CSTPP1: variants seen among roughly 807,000 people sequenced by gnomAD.
The protein encoded by CSTPP1 is centriolar satellite-associated tubulin polyglutamylase complex regulator 1.
At chr11:47,157,055 G>GA in the CSTPP1 span, 3 of 1,614,104 alleles carry the variant, frequency 1.9e-6, no homozygotes, top group Non-Finnish European at 2.5e-6. Flanking sequence ...CATCTATGAG[G>GA]ACCTGCTGTC....
chr11:47,137,519 C>A, the CSTPP1 span: 1 of 1,541,012 alleles, frequency 6.5e-7, no homozygotes, highest in South Asian at 1.2e-5. Flanking sequence ...GCATACCCTT[C>A]ACACTGACTT....
chr11:47,148,705 G>A, the CSTPP1 span, among the ~76,000 whole-genome samples: 7 of 152,132 alleles, frequency 4.6e-5, no homozygotes, highest in East Asian at 1.9e-4. Flanking sequence ...TACAGCCGGC[G>A]CTCATTCTGA....
At chr11:47,025,200 A>G in the CSTPP1 span, among the ~76,000 whole-genome samples, 1 of 152,348 alleles carries the variant, frequency 6.6e-6, no homozygotes, top group East Asian at 1.9e-4. Context: ...GAAGGTAAAT[A>G]TACATGACTA....
chr11:46,953,908 A>G, the CSTPP1 span, among the ~76,000 whole-genome samples: 1 of 152,136 alleles, frequency 6.6e-6, no homozygotes, highest in African/African-American at 2.4e-5. Context: ...TTACCTGATG[A>G]CCTCTTCTTT....
the CSTPP1 span, among the ~76,000 whole-genome samples, chr11:47,020,397 CT>C: frequency 6.6e-6 from 1 of 152,026 alleles, no homozygotes; most frequent in Non-Finnish European, 1.5e-5. Context: ...AATCCAAATC[CT>C]CTCTTTAATA....
chr11:47,065,687 T>G, the CSTPP1 span, among the ~76,000 whole-genome samples: 1 of 152,236 alleles, frequency 6.6e-6, no homozygotes, highest in East Asian at 1.9e-4. Flanking sequence ...GGAATTGTTT[T>G]TCTTAGTTTC....
chr11:46,984,573 T>C, the CSTPP1 span, among the ~76,000 whole-genome samples: 2 of 144,352 alleles, frequency 1.4e-5, no homozygotes, highest in South Asian at 4.1e-4. Context: ...GTCTATTTTC[T>C]TGAAAATTCC....
chr11:47,139,502 T>C, the CSTPP1 span, among the ~76,000 whole-genome samples: 5 of 152,056 alleles, frequency 3.3e-5, no homozygotes, highest in African/African-American at 1.2e-4. Flanking sequence ...GGTGAAACCC[T>C]GTCTCTGCTA....
the CSTPP1 span, among the ~76,000 whole-genome samples, chr11:47,043,153 C>T: frequency 6.6e-6 from 1 of 152,162 alleles, no homozygotes; most frequent in Non-Finnish European, 1.5e-5. Context: ...GTTATACACA[C>T]AGTGCAGGAG....
At chr11:46,970,567 G>A in the CSTPP1 span, among the ~76,000 whole-genome samples, 1 of 151,614 alleles carries the variant, frequency 6.6e-6, no homozygotes, top group Non-Finnish European at 1.5e-5. Context: ...TATAACTAAA[G>A]TATAATTATG....
At chr11:47,115,094 GT>G in the CSTPP1 span, among the ~76,000 whole-genome samples, 1 of 152,172 alleles carries the variant, frequency 6.6e-6, no homozygotes, top group Non-Finnish European at 1.5e-5. Context: ...TAATCAAGTG[GT>G]TTTTGTCTTT....
chr11:47,027,077 T>C, the CSTPP1 span, among the ~76,000 whole-genome samples: 1 of 152,198 alleles, frequency 6.6e-6, no homozygotes, highest in Non-Finnish European at 1.5e-5. Context: ...AGTAACCTTT[T>C]CCCAGTGCTC....
chr11:47,005,192 G>T, the CSTPP1 span, among the ~76,000 whole-genome samples: 1 of 152,066 alleles, frequency 6.6e-6, no homozygotes, highest in Admixed American at 6.5e-5. Flanking sequence ...TTAAGATAGT[G>T]GTTTTTTTGT....
At chr11:46,996,163 A>G in the CSTPP1 span, among the ~76,000 whole-genome samples, 4 of 151,998 alleles carry the variant, frequency 2.6e-5, no homozygotes, top group Admixed American at 6.6e-5. Flanking sequence ...TTTTGAGCCT[A>G]TGTGTGTCTC....
the CSTPP1 span, among the ~76,000 whole-genome samples, chr11:47,129,591 C>T: frequency 6.6e-6 from 1 of 152,140 alleles, no homozygotes; most frequent in African/African-American, 2.4e-5. Flanking sequence ...ATGGCCCCAT[C>T]GTGATGAACA....
chr11:47,024,376 CTT>C, the CSTPP1 span, among the ~76,000 whole-genome samples: 4 of 144,704 alleles, frequency 2.8e-5, no homozygotes, highest in Non-Finnish European at 1.5e-5. Flanking sequence ...TTCTCTCTCT[CTT>C]TTTTTTTTTT....
At chr11:47,058,670 C>T in the CSTPP1 span, among the ~76,000 whole-genome samples, 2 of 152,122 alleles carry the variant, frequency 1.3e-5, no homozygotes, top group Non-Finnish European at 2.9e-5. Flanking sequence ...TTCACAACAA[C>T]CCTATGTGTT....
the CSTPP1 span, among the ~76,000 whole-genome samples, chr11:47,146,508 C>T: frequency 1.3e-5 from 2 of 152,210 alleles, no homozygotes; most frequent in South Asian, 2.1e-4. Context: ...TTCATGCCCA[C>T]ACTCACTAGT....
chr11:47,161,058 G>A, the CSTPP1 span: 10 of 1,593,540 alleles, frequency 6.3e-6, no homozygotes, highest in Non-Finnish European at 7.7e-6. Context: ...AAGGTGAGGG[G>A]CATGGAGGAA....
Sources: allele counts gnomAD v4.1 joint callset (sites outside exome capture counted in the v4.1 genomes callset), GRCh38; gene constraint gnomAD v4.1.1; transcripts MANE v1.5; gene names NCBI Gene and HGNC (gene_info 2026-07-23, HGNC 2026-07-21).